CBLB: variants seen among roughly 807,000 people sequenced by gnomAD.
The protein encoded by CBLB is E3 ubiquitin-protein ligase CBL-B.
Under a neutral mutation model 104.9 loss-of-function variants are expected in CBLB, and 31 were observed. The ratio of observed to expected loss-of-function variants is 0.30; its 90% confidence interval spans 0.22 to 0.40. The LOEUF (loss-of-function observed/expected upper bound fraction) is 0.40, where lower values mean the gene tolerates loss of function less well. Ranked by LOEUF, CBLB falls within the 10% of genes least tolerant of loss-of-function variation. CBLB has a pLI of 1.00. For missense variants in CBLB, 1,062 were observed against 1,214.6 expected, an observed-to-expected ratio of 0.87 and a Z score of 1.87; for synonymous variants, 440 against 422.6, an observed-to-expected ratio of 1.04 and a Z score of -0.51.
chr3:105,826,378 G>T (rs2086585894), intron 3 of CBLB, among the ~76,000 whole-genome samples: 1 of 152,116 alleles, frequency 6.6e-6, no homozygotes, highest in South Asian at 2.1e-4. Context: ...TGCTATCCTA[G>T]AAACACTTTA....
chr3:105,730,302 AGG>A (rs1168332081), intron 9 of CBLB, among the ~76,000 whole-genome samples: 1 of 152,118 alleles, frequency 6.6e-6, no homozygotes, highest in Non-Finnish European at 1.5e-5. Context: ...AATGGAACAA[AGG>A]GAACTAAGCC....
intron 18 of CBLB, among the ~76,000 whole-genome samples, chr3:105,661,455 A>G (rs571305900): frequency 1.1e-3 from 169 of 152,340 alleles, no homozygotes; most frequent in Non-Finnish European, 1.9e-3. Context: ...AAATTCATAC[A>G]TTTAAATCAT....
At chr3:105,734,357 A>G (rs1286125839) in intron 8 of CBLB, among the ~76,000 whole-genome samples, 2 of 152,154 alleles carry the variant, frequency 1.3e-5, no homozygotes, top group Admixed American at 6.5e-5. Context: ...TCTATCTTAC[A>G]TGCTTCTTAA....
rs531333368 is a variant in CBLB at position 105,810,555 on chromosome 3, C to T, written c.420-34013G>A. On this transcript the variant is annotated intron_variant, in intron 3 of 18. Coordinates refer to ENST00000394030, the MANE Select transcript of CBLB (RefSeq NM_170662.5). ...AGCTAAACTTCATAAGACTTTAATT[C>T]TAAACCTCAAAATAAAAAATCAAAG... Among the ~76,000 whole-genome samples the T allele has an allele frequency of 7.9e-5, 12 of 151,834 alleles. No homozygotes were observed. In the South Asian group the frequency reaches 2.5e-3, roughly 31 times the overall value.
intron 3 of CBLB, among the ~76,000 whole-genome samples, chr3:105,822,947 T>C (rs1484097245): frequency 2.6e-5 from 4 of 152,204 alleles, no homozygotes; most frequent in African/African-American, 4.8e-5. Context: ...CCCTACCTTG[T>C]TGACATGCTA....
At chr3:105,843,928 A>C (rs2089899578) in intron 3 of CBLB, among the ~76,000 whole-genome samples, 1 of 152,176 alleles carries the variant, frequency 6.6e-6, no homozygotes, top group Non-Finnish European at 1.5e-5. Context: ...GTCCCCTAAA[A>C]AGATATGTTT....
At chr3:105,723,595 C>G (rs915306441) in intron 9 of CBLB, among the ~76,000 whole-genome samples, 4 of 152,014 alleles carry the variant, frequency 2.6e-5, no homozygotes, top group African/African-American at 9.7e-5. Context: ...AGATAATTAA[C>G]ATTGACAAAC....
chr3:105,820,102 T>C (rs1031866155), intron 3 of CBLB, among the ~76,000 whole-genome samples: 2 of 152,182 alleles, frequency 1.3e-5, no homozygotes, highest in Non-Finnish European at 2.9e-5. Flanking sequence ...CTGGGGGTGA[T>C]GGGACACAGT....
At chr3:105,692,899 A>C (rs2067890361) in intron 13 of CBLB, among the ~76,000 whole-genome samples, 1 of 148,524 alleles carries the variant, frequency 6.7e-6, no homozygotes, top group Non-Finnish European at 1.5e-5. Context: ...CTGGGGCCCC[A>C]TTTTTCAAAT....
chr3:105,823,554 C>A (rs991381716), intron 3 of CBLB, among the ~76,000 whole-genome samples: 1 of 152,152 alleles, frequency 6.6e-6, no homozygotes, highest in Non-Finnish European at 1.5e-5. Context: ...GTTAGCTTAA[C>A]CTACTTCCAA....
Position 105,853,554 on chromosome 3 carries a change from A to C in CBLB, c.279T>G (p.Asp93Glu). The change falls in exon 3 of 19, where the codon GAT becomes GAG. Residue 93 changes from aspartate (D) to glutamate (E), a missense_variant. Around this residue, in one of 2 missense-constraint regions of CBLB, gnomAD observed 457 missense variants for 632.0 expected, o/e 0.72. Coordinates refer to ENST00000394030, the MANE Select transcript of CBLB (RefSeq NM_170662.5). ...TGAGTTGGGCAAGTTTCTGGTTGTC[A>C]TCATATTTACTCAATATAAGTCGTA... is the stretch of plus-strand genomic sequence containing the variant. ...QHLRLILSKYDDNQKLAQLSE... is the reference protein window; with the variant it reads ...QHLRLILSKYEDNQKLAQLSE... The C allele has an allele frequency of 3.1e-6, 5 of 1,613,542 alleles. No individual in the cohort carries two copies. Among genetic ancestry groups the C allele is most frequent in the Non-Finnish European group, 3.4e-6 (4 of 1,179,626 alleles).
intron 12 of CBLB, among the ~76,000 whole-genome samples, chr3:105,696,454 A>AT (rs1386618039): frequency 6.6e-6 from 1 of 151,886 alleles, no homozygotes; most frequent in African/African-American, 2.4e-5. Flanking sequence ...TGGGGGCTAA[A>AT]AATAAATACT....
intron 3 of CBLB, among the ~76,000 whole-genome samples, chr3:105,822,983 T>C (rs1351811680): frequency 6.6e-6 from 1 of 152,204 alleles, no homozygotes; most frequent in Non-Finnish European, 1.5e-5. Flanking sequence ...TGTTCCTGTT[T>C]ATCGCTCAGA....
At chr3:105,800,937 T>A (rs1577315658) in intron 3 of CBLB, among the ~76,000 whole-genome samples, 1 of 152,022 alleles carries the variant, frequency 6.6e-6, no homozygotes, top group Admixed American at 6.6e-5. Context: ...AAAGAACTGA[T>A]CCATTTGGCT....
chr3:105,810,558 A>C (rs776139722), intron 3 of CBLB, among the ~76,000 whole-genome samples: 43 of 152,110 alleles, frequency 2.8e-4, no homozygotes, highest in Non-Finnish European at 3.4e-4. Context: ...TTTAATTCTA[A>C]ACCTCAAAAT....
intron 18 of CBLB, among the ~76,000 whole-genome samples, chr3:105,665,615 G>A (rs990314340): frequency 5.5e-5 from 8 of 145,948 alleles, no homozygotes; most frequent in African/African-American, 2.0e-4. Context: ...ATATATAAAT[G>A]TATAATTATA....
At chr3:105,709,997 C>T (rs1054070149) in intron 10 of CBLB, among the ~76,000 whole-genome samples, 1 of 151,842 alleles carries the variant, frequency 6.6e-6, no homozygotes. Context: ...GAAAGAAATG[C>T]AATCTTTGTT....
At chr3:105,867,312 T>A in intron 2 of CBLB, 98 bp downstream of exon 2, 3 of 1,107,068 alleles carry the variant, frequency 2.7e-6, no homozygotes, top group Non-Finnish European at 4.2e-6. Context: ...ATTGTTGCCA[T>A]AACAATGGTT....
chr3:105,751,441 A>C (rs775118553), intron 5 of CBLB, 21 bp downstream of exon 5: 2 of 1,570,056 alleles, frequency 1.3e-6, no homozygotes, highest in Non-Finnish European at 1.8e-6. Context: ...GAATGGATAG[A>C]CTAAGCAAGT....
Sources: allele counts gnomAD v4.1 joint callset (sites outside exome capture counted in the v4.1 genomes callset), GRCh38; gene constraint gnomAD v4.1.1; regional missense constraint gnomAD v4.1.1; transcripts MANE v1.5; gene names NCBI Gene and HGNC (gene_info 2026-07-23, HGNC 2026-07-21).